Variants in CCDC69 observed in about 807,000 individuals in gnomAD.
CCDC69 encodes coiled-coil domain containing 69, also known as coiled-coil domain-containing protein 69.
A neutral mutation model predicts 40.3 loss-of-function variants in CCDC69; 38 were observed. The ratio of observed to expected loss-of-function variants is 0.94; its 90% CI spans 0.73 to 1.24. CCDC69 has a LOEUF of 1.24. Ranked by LOEUF, CCDC69 falls within the 50% of genes most tolerant of loss-of-function variation. The pLI is 0.00. For missense variants in CCDC69, 389 were observed against 357.9 expected, an observed-to-expected ratio of 1.09 and a Z score of -0.70; for synonymous variants, 141 against 138.9, an observed-to-expected ratio of 1.02 and a Z score of -0.11.
In CCDC69 at chr5:151,183,560, C is replaced by T. The variant is rs1213274997; in HGVS notation, c.768G>A (p.Gln256=). ...LTREALEKEV[Q]LRRQLQQEKE... ...TCTCCTGCTGGAGCTGTCGCCGCAG[C>T]TGCACCTCCTTCTCCAGGGCCTCAC... Residue 256 remains glutamine (Q), a synonymous_variant, in exon 9 of 9, where the codon CAG becomes CAA. Coordinates refer to ENST00000355417, the MANE Select transcript of CCDC69 (RefSeq NM_015621.3). 1 of 1,612,188 alleles carries T rather than the reference C, an allele frequency of 6.2e-7. No homozygotes were observed. The highest frequency in any genetic ancestry group is 1.7e-4 in the Middle Eastern group (1 of 6,052).
At chr5:151,201,454 C>T (rs1006540455) in intron 3 of CCDC69, 128 bp downstream of exon 3, 2 of 612,134 alleles carry the variant, frequency 3.3e-6, no homozygotes, top group African/African-American at 1.9e-5. Context: ...ATAAAGGACT[C>T]CCTTCCTGGT....
chr5:151,193,219 T>C (rs1752645735), intron 4 of CCDC69, among the ~76,000 whole-genome samples: 2 of 151,070 alleles, frequency 1.3e-5, no homozygotes, highest in Admixed American at 1.3e-4. Flanking sequence ...ATTAACCATC[T>C]AAAGAAAAAC....
intron 4 of CCDC69, among the ~76,000 whole-genome samples, chr5:151,198,335 T>TATCTATCTATCC (rs1554089419): frequency 1.3e-4 from 20 of 149,726 alleles, no homozygotes; most frequent in Admixed American, 5.3e-4. Flanking sequence ...TCTATCTATC[T>TATCTATCTATCC]ATCTATCTAT....
At chr5:151,209,480 T>A (rs1345179055) in intron 1 of CCDC69, among the ~76,000 whole-genome samples, 1 of 152,124 alleles carries the variant, frequency 6.6e-6, no homozygotes, top group African/African-American at 2.4e-5. Flanking sequence ...TGTACTTGAG[T>A]CCCCAGCTCT....
rs146344648 is a variant in CCDC69 at position 151,224,079 on chromosome 5, G to T, written c.-109C>A. 2 of 1,001,908 alleles carry T rather than the reference G, an allele frequency of 2.0e-6. No homozygotes were observed. Among genetic ancestry groups the T allele is most frequent in the African/African-American group, 1.7e-5 (1 of 57,950 alleles). The allele number at this position is 1,001,908 out of a possible 1,614,324, so 62.1% of individuals were successfully genotyped here. A position where few individuals can be genotyped will look rare whatever the true frequency, so the allele number is the denominator to read the frequency against. On this transcript the variant is annotated 5_prime_UTR_variant, in exon 1 of 9. Coordinates refer to ENST00000355417, the MANE Select transcript of CCDC69 (RefSeq NM_015621.3). ...GCGCCCGCCGGCTGGGGCTGCCGGC[G>T]AGACCCTGAAACTGAACCTGGAAGC...
chr5:151,204,056 G>A (rs956248245), intron 2 of CCDC69, among the ~76,000 whole-genome samples: 1 of 151,274 alleles, frequency 6.6e-6, no homozygotes, highest in Non-Finnish European at 1.5e-5. Flanking sequence ...CTGAGACAGG[G>A]TCTTGCTCTG....
intron 4 of CCDC69, among the ~76,000 whole-genome samples, chr5:151,188,068 C>A (rs1300143499): frequency 6.6e-6 from 1 of 152,170 alleles, no homozygotes; most frequent in Non-Finnish European, 1.5e-5. Flanking sequence ...GAAGGACGTG[C>A]AAGGGCTTCA....
chr5:151,182,987 A>G lies in CCDC69; in HGVS notation c.*450T>C, dbSNP rs1766665585. The stretch of plus-strand genomic sequence containing the variant: ...ACCAGTCCCCCCACCATTTTAATGC[A>G]GGGGTAAACTGAGGCTCTGAGCAGG... On this transcript the variant is annotated 3_prime_UTR_variant, in exon 9 of 9. Coordinates refer to ENST00000355417, the MANE Select transcript of CCDC69 (RefSeq NM_015621.3). 2 of 454,406 alleles carry G rather than the reference A, an allele frequency of 4.4e-6. No individual in the cohort carries two copies. Among genetic ancestry groups the G allele is most frequent in the Non-Finnish European group, 8.9e-6 (2 of 225,424 alleles). 28.1% of individuals were successfully genotyped at this position (454,406 alleles called of 1,614,324 possible). A position where few individuals can be genotyped will look rare whatever the true frequency, so the allele number is the denominator to read the frequency against.
chr5:151,187,736 A>G (rs1752545631), intron 4 of CCDC69, among the ~76,000 whole-genome samples: 1 of 152,204 alleles, frequency 6.6e-6, no homozygotes, highest in African/African-American at 2.4e-5. Flanking sequence ...CACTAAAGCT[A>G]AGATCCAAAG....
chr5:151,187,056 A>G (rs1002435455), intron 5 of CCDC69, among the ~76,000 whole-genome samples: 1 of 152,324 alleles, frequency 6.6e-6, no homozygotes, highest in Non-Finnish European at 1.5e-5. Flanking sequence ...CTGCACAGCC[A>G]CATTGAGTCA....
intron 4 of CCDC69, 196 bp downstream of exon 4, chr5:151,198,801 C>T: frequency 8.3e-6 from 4 of 483,588 alleles, no homozygotes; most frequent in Non-Finnish European, 1.5e-5. Context: ...AAGGTTGATG[C>T]CAGCCTCTTA....
At chr5:151,205,254 C>G (rs1352983729) in intron 2 of CCDC69, 146 bp downstream of exon 2, 1 of 711,084 alleles carries the variant, frequency 1.4e-6, no homozygotes, top group African/African-American at 1.8e-5. Context: ...CTATTAATTA[C>G]CTCCCTGATT....
Position 151,201,594 on chromosome 5 carries a change from TTTC to T in CCDC69, c.216_218del (p.Lys73del). On this transcript the variant is annotated inframe_deletion, in exon 3 of 9. Coordinates refer to ENST00000355417, the MANE Select transcript of CCDC69 (RefSeq NM_015621.3). ...CACCTGGACTTACCTGTTGTGCCCATTTCTTCTTTTCCTCCTCATGTTGCTGGA... is the reference window on the plus strand; with the variant it reads ...CACCTGGACTTACCTGTTGTGCCCATTTCTTTTCCTCCTCATGTTGCTGGA... 1 of 1,612,692 alleles carries T rather than the reference TTTC, an allele frequency of 6.2e-7. No homozygotes were observed. The highest frequency in any genetic ancestry group is 8.5e-7 in the Non-Finnish European group (1 of 1,178,946).
intron 1 of CCDC69, among the ~76,000 whole-genome samples, chr5:151,214,549 G>A (rs1293867830): frequency 6.6e-6 from 1 of 152,210 alleles, no homozygotes; most frequent in East Asian, 1.9e-4. Flanking sequence ...CACTGCCAGG[G>A]ACATTAAAGA....
intron 1 of CCDC69, among the ~76,000 whole-genome samples, chr5:151,213,767 A>G (rs1032590689): frequency 5.3e-5 from 8 of 152,126 alleles, no homozygotes; most frequent in Non-Finnish European, 1.2e-4. Flanking sequence ...AGGCTTGTGT[A>G]TTTCTGATTA....
At position 151,182,970 on chromosome 5, in the gene CCDC69, C is replaced by T. The variant is rs1458980472; in HGVS notation, c.*467G>A. The T allele has an allele frequency of 5.3e-5, 24 of 451,252 alleles. No homozygotes were observed. Among genetic ancestry groups the T allele is most frequent in the Non-Finnish European group, 1.1e-4 (24 of 223,524 alleles). The allele number at this position is 451,252 out of a possible 1,614,324, so 28.0% of individuals were successfully genotyped here. On this transcript the variant is annotated 3_prime_UTR_variant, in exon 9 of 9. Coordinates refer to ENST00000355417, the MANE Select transcript of CCDC69 (RefSeq NM_015621.3). ...GACATAAGAGTCCTTTGACCAGTCC[C>T]CCCACCATTTTAATGCAGGGGTAAA...
At chr5:151,193,176 T>C (rs1477734830) in intron 4 of CCDC69, among the ~76,000 whole-genome samples, 2 of 151,974 alleles carry the variant, frequency 1.3e-5, no homozygotes, top group East Asian at 3.9e-4. Flanking sequence ...GGGATAACTA[T>C]ATTTGAAAAC....
At position 151,185,444 on chromosome 5, in the gene CCDC69, C is replaced by T. The variant is rs757537742; in HGVS notation, c.593G>A (p.Arg198Gln). 33 of 1,613,954 alleles carry T rather than the reference C, an allele frequency of 2.0e-5. No homozygotes were observed. Among genetic ancestry groups the T allele is most frequent in the East Asian group, 2.0e-4 (9 of 44,894 alleles). Residue 198 changes from arginine (R) to glutamine (Q), a missense_variant, in exon 7 of 9, where the codon CGG (arginine) becomes CAG (glutamine). Arg to Gln is a conservative substitution (Grantham distance 43). Transcript: ENST00000355417. Reference sequence around the variant, plus strand: ...GACCACTGTTTCCATGAGGATCAGCCGCCTGTCCAGCTCATGAATACGCTC... The same window carrying T: ...GACCACTGTTTCCATGAGGATCAGCTGCCTGTCCAGCTCATGAATACGCTC... ...KNERIHELDR[R>Q]LILMETVKEK...
At chr5:151,185,280 G>A (rs1380779721) in intron 7 of CCDC69, 142 bp downstream of exon 7, 1 of 858,660 alleles carries the variant, frequency 1.2e-6, no homozygotes, top group Non-Finnish European at 1.8e-6. Flanking sequence ...ATGCTCAGTG[G>A]TCAGCACAGG....
Sources: gnomAD v4.1 joint callset for allele counts (sites outside exome capture counted in the v4.1 genomes callset) on GRCh38, gnomAD v4.1.1 for gene constraint, MANE v1.5 for transcripts, NCBI Gene and HGNC (gene_info 2026-07-23, HGNC 2026-07-21) for gene names.